The following PCDH9 variants were observed in gnomAD, a reference collection of about 807,000 sequenced individuals.
PCDH9 encodes the protein protocadherin-9.
PCDH9 carries 24 observed loss-of-function variants against 70.6 expected under a neutral mutation model. That is an observed-to-expected ratio of 0.34 (90% CI 0.25 to 0.48). The LOEUF (loss-of-function observed/expected upper bound fraction) is 0.48. Ranked by LOEUF, PCDH9 falls within the 20% of genes least tolerant of loss-of-function variation. PCDH9 has a pLI of 0.99. For synonymous variants in PCDH9, 562 were observed against 558.5 expected (o/e 1.01, Z -0.09); for missense variants, 1,281 against 1,503.6 (o/e 0.85, Z 2.45).
chr13:66,446,004 A>C (rs1958081523), intron 4 of PCDH9, among the ~76,000 whole-genome samples: 1 of 151,826 alleles, frequency 6.6e-6, no homozygotes. Context: ...AATTTCCTGC[A>C]AACTTGTCTT....
At chr13:66,505,410 A>G (rs1315193601) in intron 4 of PCDH9, among the ~76,000 whole-genome samples, 1 of 152,058 alleles carries the variant, frequency 6.6e-6, no homozygotes, top group African/African-American at 2.4e-5. Context: ...ATTCACTATC[A>G]CGAGAACAGC....
intron 3 of PCDH9, among the ~76,000 whole-genome samples, chr13:66,833,717 C>T (rs989758889): frequency 6.6e-6 from 1 of 152,108 alleles, no homozygotes; most frequent in Non-Finnish European, 1.5e-5. Flanking sequence ...AAGTTAACAA[C>T]TTCATATAGA....
rs142545864 is a variant in PCDH9 at position 66,869,636 on chromosome 13, C to T, written c.3138+33868G>A. The stretch of plus-strand genomic sequence containing the variant: ...TGCAAAAATCTGAGGACTTATTCTG[C>T]GTGTCTTTATGTTTAGTTGCTATAA... On this transcript the variant is annotated intron_variant, in intron 3 of 4. Transcript: ENST00000377865. Among the ~76,000 whole-genome samples the T allele has an allele frequency of 7.5e-3, 1,146 of 152,156 alleles. 2 individuals carry two copies. The highest frequency in any genetic ancestry group is 0.01 in the Non-Finnish European group (709 of 67,988).
chr13:66,397,554 T>C, intron 4 of PCDH9, among the ~76,000 whole-genome samples: 1 of 151,676 alleles, frequency 6.6e-6, no homozygotes, highest in South Asian at 2.1e-4. Flanking sequence ...TCGATATATA[T>C]GTGTATATAT....
intron 3 of PCDH9, among the ~76,000 whole-genome samples, chr13:66,761,965 G>A (rs1225963623): frequency 6.6e-6 from 1 of 151,136 alleles, no homozygotes; most frequent in Non-Finnish European, 1.5e-5. Flanking sequence ...ATGTGTTGAT[G>A]CCCTACACAT....
At chr13:66,986,833 G>A (rs906561194) in intron 2 of PCDH9, among the ~76,000 whole-genome samples, 1 of 151,710 alleles carries the variant, frequency 6.6e-6, no homozygotes, top group East Asian at 1.9e-4. Context: ...AAAATAAAAT[G>A]AAAACAAACA....
chr13:67,114,601 T>C (rs1349021180), intron 2 of PCDH9, among the ~76,000 whole-genome samples: 1 of 152,204 alleles, frequency 6.6e-6, no homozygotes, highest in Non-Finnish European at 1.5e-5. Flanking sequence ...TTGCATACTC[T>C]ATAAGGCAAA....
intron 3 of PCDH9, among the ~76,000 whole-genome samples, chr13:66,899,447 G>A (rs1239019294): frequency 1.3e-5 from 2 of 151,948 alleles, no homozygotes; most frequent in African/African-American, 4.8e-5. Context: ...ACCCCTACAA[G>A]GGAGAAGTCC....
chr13:66,431,387 G>A (rs1344202520), intron 4 of PCDH9, among the ~76,000 whole-genome samples: 1 of 151,892 alleles, frequency 6.6e-6, no homozygotes, highest in African/African-American at 2.4e-5. Context: ...TAAACAAATT[G>A]ATCAAGATCC....
intron 2 of PCDH9, among the ~76,000 whole-genome samples, chr13:66,937,739 C>T (rs773588308): frequency 6.6e-6 from 1 of 152,116 alleles, no homozygotes; most frequent in African/African-American, 2.4e-5. Flanking sequence ...GTTCAAACTG[C>T]GTTCAAGTAA....
intron 2 of PCDH9, among the ~76,000 whole-genome samples, chr13:67,104,266 G>C (rs9317638): frequency 0.22 from 33,827 of 152,012 alleles, 4,197 homozygotes; most frequent in East Asian, 0.54. Flanking sequence ...TCTGTGCATT[G>C]AACCATTGGA....
intron 2 of PCDH9, chr13:67,208,062 A>G (rs1035399450): frequency 2.0e-5 from 3 of 152,160 alleles, no homozygotes; most frequent in African/African-American, 7.2e-5. Flanking sequence ...AACTGATTCG[A>G]TTAATCAAAT....
intron 2 of PCDH9, among the ~76,000 whole-genome samples, chr13:66,974,374 A>G (rs2083578511): frequency 6.6e-6 from 1 of 151,824 alleles, no homozygotes; most frequent in South Asian, 2.1e-4. Flanking sequence ...CTCAAGTTAC[A>G]ACCCCTTTTC....
Position 66,603,050 on chromosome 13 carries a change from T to C in PCDH9, c.3340+28160A>G, listed in dbSNP as rs1416422590. Among the ~76,000 whole-genome samples the C allele has an allele frequency of 2.1e-5, 3 of 146,068 alleles. 1 individual carries two copies. The highest frequency in any genetic ancestry group is 4.6e-5 in the Non-Finnish European group (3 of 64,988). ...TAAGTACCCTCTTTGATGTTCAAAC[T>C]ATGACCAAAATCATCTAAGGATATG... On this transcript the variant is annotated intron_variant, in intron 4 of 4. Coordinates refer to ENST00000377865, the MANE Select transcript of PCDH9 (RefSeq NM_203487.3).
intron 2 of PCDH9, among the ~76,000 whole-genome samples, chr13:66,973,109 G>A (rs1031004204): frequency 6.6e-6 from 1 of 151,784 alleles, no homozygotes; most frequent in African/African-American, 2.4e-5. Context: ...TTGAATTCAG[G>A]TCCTACTTCA....
intron 2 of PCDH9, among the ~76,000 whole-genome samples, chr13:66,977,234 T>A (rs967183123): frequency 1.3e-5 from 2 of 152,086 alleles, no homozygotes; most frequent in African/African-American, 4.8e-5. Flanking sequence ...GGGGATCTCG[T>A]CTAATTTTCA....
chr13:66,531,691 C>T (rs1050406384), intron 4 of PCDH9, among the ~76,000 whole-genome samples: 3 of 152,042 alleles, frequency 2.0e-5, no homozygotes, highest in African/African-American at 7.2e-5. Flanking sequence ...TGCAAGAGGG[C>T]TCCTGGACAA....
intron 4 of PCDH9, among the ~76,000 whole-genome samples, chr13:66,314,706 A>G (rs1401655653): frequency 1.3e-5 from 2 of 152,172 alleles, no homozygotes; most frequent in African/African-American, 4.8e-5. Context: ...CCGTTCTTGT[A>G]TATGGCACAC....
chr13:66,451,402 C>G (rs954946770), intron 4 of PCDH9, among the ~76,000 whole-genome samples: 2 of 152,020 alleles, frequency 1.3e-5, no homozygotes, highest in Non-Finnish European at 2.9e-5. Context: ...CAACAAATTT[C>G]CAAGGTAGCT....
Sources: allele counts gnomAD v4.1 joint callset (sites outside exome capture counted in the v4.1 genomes callset), GRCh38; gene constraint gnomAD v4.1.1; transcripts MANE v1.5; gene names NCBI Gene and HGNC (gene_info 2026-07-23, HGNC 2026-07-21).